LYST: variants seen among roughly 807,000 people sequenced by gnomAD.
LYST encodes the protein lysosomal trafficking regulator.
LYST carries 192 observed loss-of-function variants against 413.6 expected under a neutral mutation model. The observed-to-expected ratio is 0.46, with a 90% CI of 0.41 to 0.52. LYST has a LOEUF of 0.52. Among genes scored for constraint, LYST ranks in the 20% least tolerant of loss-of-function variants. The pLI, the probability that LYST is intolerant of heterozygous loss-of-function variation, is 0.00. For synonymous variants in LYST, 1,525 were observed against 1,567.3 expected (o/e 0.97, Z 0.64); for missense variants, 3,815 against 4,499.9 (o/e 0.85, Z 4.35).
At chr1:235,781,875 C>A in intron 15 of LYST, 52 bp downstream of exon 15, 1 of 1,252,330 alleles carries the variant, frequency 8.0e-7, no homozygotes, top group Non-Finnish European at 1.2e-6. Flanking sequence ...GGAAAAAAAT[C>A]TCACTCTGTC....
chr1:235,691,665 G>A (rs1167760366), intron 47 of LYST, among the ~76,000 whole-genome samples: 2 of 151,080 alleles, frequency 1.3e-5, no homozygotes, highest in Non-Finnish European at 2.9e-5. Context: ...TGGTAGTTAG[G>A]AAGTCTGTAA....
intron 31 of LYST, chr1:235,737,028 CT>C (rs1664881900): frequency 6.6e-6 from 1 of 150,530 alleles, no homozygotes; most frequent in Admixed American, 6.6e-5. Context: ...TCCCAAAAAA[CT>C]ATAAAACAAA....
In LYST at chr1:235,788,799, T is replaced by A. The variant is rs1271864056; in HGVS notation, c.4590A>T (p.Arg1530Ser). Reference sequence around the variant, plus strand: ...TATGAATACATCCTTCTTCTATGAGTCTTTCACCAGGATTTATGTACTCTG... The same window carrying A: ...TATGAATACATCCTTCTTCTATGAGACTTTCACCAGGATTTATGTACTCTG... Reference protein sequence around the residue: ...EGAEYINPGERLIEEGCIHII... With the variant: ...EGAEYINPGESLIEEGCIHII... The change falls in exon 13 of 53, where the codon AGA becomes AGT. Residue 1530 changes from arginine (R) to serine (S), a missense_variant. Coordinates refer to ENST00000389793, the MANE Select transcript of LYST (RefSeq NM_000081.4). 11 of 1,613,406 alleles carry A rather than the reference T, an allele frequency of 6.8e-6. No homozygotes were observed. The highest frequency in any genetic ancestry group is 9.3e-6 in the Non-Finnish European group (11 of 1,179,492).
At chr1:235,795,627 C>T (rs1214452461) in intron 10 of LYST, among the ~76,000 whole-genome samples, 1 of 152,096 alleles carries the variant, frequency 6.6e-6, no homozygotes, top group Non-Finnish European at 1.5e-5. Flanking sequence ...TTGGGAAGCC[C>T]CTAATCATCC....
intron 10 of LYST, among the ~76,000 whole-genome samples, chr1:235,795,374 T>C (rs1272063593): frequency 6.6e-6 from 1 of 152,180 alleles, no homozygotes; most frequent in Admixed American, 6.5e-5. Flanking sequence ...ACAAACTGCC[T>C]AACCAAAGGG....
chr1:235,860,115 AT>A (rs1457232674), intron 1 of LYST, among the ~76,000 whole-genome samples: 1 of 152,120 alleles, frequency 6.6e-6, no homozygotes, highest in Non-Finnish European at 1.5e-5. Flanking sequence ...CTCTCCCCCC[AT>A]TTTTAAATGT....
At chr1:235,744,903 A>G (rs199949103) in intron 29 of LYST, among the ~76,000 whole-genome samples, 5 of 53,450 alleles carry the variant, frequency 9.4e-5, no homozygotes, top group African/African-American at 5.7e-4. Context: ...AAAAAAAAAA[A>G]GAAAAAAAAA....
In LYST at chr1:235,830,294, G is replaced by C. The variant is rs1229357698; in HGVS notation, c.124C>G (p.Leu42Val). 6.2e-7 allele frequency: 1 copy of C among 1,613,948 alleles called. No individual in the cohort carries two copies. Among genetic ancestry groups the C allele is most frequent in the Admixed American group, 1.7e-5 (1 of 59,988 alleles). Residue 42 changes from leucine to valine, a missense_variant, in exon 3 of 53, where the codon CTT (leucine) becomes GTT (valine). This residue lies in a region of LYST where 1,648 missense variants were observed against 1,810.3 expected (regional missense o/e 0.91). Transcript: ENST00000389793. Reference protein sequence around the residue: ...EEEEETHMATLGQYLVHGRGF... With the variant: ...EEEEETHMATVGQYLVHGRGF... ...CGACCATGGACAAGGTACTGTCCAA[G>C]GGTTGCCATGTGCGTCTCCTCCTCT...
intron 50 of LYST, among the ~76,000 whole-genome samples, chr1:235,665,940 G>C (rs1658414963): frequency 6.6e-6 from 1 of 152,014 alleles, no homozygotes; most frequent in South Asian, 2.1e-4. Flanking sequence ...CGGTTAGGAG[G>C]CACGATAAAG....
At chr1:235,856,433 A>C (rs1679200408) in intron 1 of LYST, among the ~76,000 whole-genome samples, 1 of 152,188 alleles carries the variant, frequency 6.6e-6, no homozygotes, top group Non-Finnish European at 1.5e-5. Context: ...GATGCCCATT[A>C]TTCTTACAGA....
chr1:235,800,265 C>A, intron 10 of LYST, 55 bp downstream of exon 10: 1 of 1,187,604 alleles, frequency 8.4e-7, no homozygotes, highest in South Asian at 1.2e-5. Context: ...CCATTATTAT[C>A]AACTTTTCAC....
At chr1:235,773,459 T>A (rs1219037895) in intron 19 of LYST, among the ~76,000 whole-genome samples, 2 of 152,108 alleles carry the variant, frequency 1.3e-5, no homozygotes, top group Admixed American at 1.3e-4. Context: ...TAGAACGGAA[T>A]ATTATTCATT....
chr1:235,838,272 G>A (rs1412643799), intron 1 of LYST, among the ~76,000 whole-genome samples: 3 of 152,252 alleles, frequency 2.0e-5, no homozygotes, highest in Non-Finnish European at 4.4e-5. Flanking sequence ...CTGCCAATGA[G>A]TAACTAAATC....
chr1:235,730,175 T>C (rs1278208373), intron 36 of LYST, among the ~76,000 whole-genome samples: 1 of 152,072 alleles, frequency 6.6e-6, no homozygotes, highest in East Asian at 1.9e-4. Context: ...TAGCCAATTA[T>C]CTTCTTTGTG....
In LYST at chr1:235,773,976, A is replaced by G. The variant is rs1329978266; in HGVS notation, c.5650T>C (p.Cys1884Arg). Residue 1884 changes from cysteine (C) to arginine (R), a missense_variant, in exon 19 of 53, where the codon TGC (cysteine) becomes CGC (arginine). Transcript: ENST00000389793. ...ATATAAATAATATCTTCACCACAGCATCCTTCAAGAAGGGTCTATAGAAAA... is the reference window on the plus strand; with the variant it reads ...ATATAAATAATATCTTCACCACAGCGTCCTTCAAGAAGGGTCTATAGAAAA... ...FYILKTLLEG[C>R]CGEDIIYMNE... is the part of the protein sequence containing the mutation. The G allele has an allele frequency of 6.2e-7, 1 of 1,605,380 alleles. No individual in the cohort carries two copies. Among genetic ancestry groups the G allele is most frequent in the Non-Finnish European group, 8.5e-7 (1 of 1,172,336 alleles).
rs149137664 is a variant in LYST at position 235,805,539 on chromosome 1, A to ATGTGTG, written c.3393+198_3393+203dup. On this transcript the variant is annotated intron_variant, in intron 6 of 52. Transcript: ENST00000389793. ...TTATTATTCATCTGACACTTATAAAATGTGTGTGTGTGTATGTGTATATAT... is the reference window on the plus strand; with the variant it reads ...TTATTATTCATCTGACACTTATAAAATGTGTGTGTGTGTGTGTGTATGTGTATATAT... 4.9e-4 allele frequency among the ~76,000 whole-genome samples: 74 copies of ATGTGTG among 151,264 alleles called. 1 individual carries two copies. The East Asian group carries it at 0.013, about 26-fold the overall frequency.
chr1:235,718,992 G>A (rs1663092982), intron 40 of LYST, among the ~76,000 whole-genome samples: 1 of 152,070 alleles, frequency 6.6e-6, no homozygotes, highest in African/African-American at 2.4e-5. Flanking sequence ...GCAGCGAGAG[G>A]CACTTCAAGT....
At chr1:235,841,353 G>C (rs527351077) in intron 1 of LYST, among the ~76,000 whole-genome samples, 2 of 152,224 alleles carry the variant, frequency 1.3e-5, no homozygotes, top group East Asian at 3.9e-4. Context: ...TAAAGAATTG[G>C]AAGAACCGTA....
chr1:235,826,269 T>C lies in LYST; in HGVS notation c.192+3957A>G, dbSNP rs1675325399. Among the ~76,000 whole-genome samples, 4 of 152,188 alleles carry C rather than the reference T, an allele frequency of 2.6e-5. No individual in the cohort carries two copies. The South Asian group carries it at 6.2e-4, about 24-fold the overall frequency. On this transcript the variant is annotated intron_variant, in intron 3 of 52. Transcript: ENST00000389793. Reference sequence around the variant, plus strand: ...ACAAACATTACCCTTTGCCCACAAATTGTATGCCTACATATTTACCCAGGA... The same window carrying C: ...ACAAACATTACCCTTTGCCCACAAACTGTATGCCTACATATTTACCCAGGA...
Sources: allele counts gnomAD v4.1 joint callset (sites outside exome capture counted in the v4.1 genomes callset), GRCh38; gene constraint gnomAD v4.1.1; regional missense constraint gnomAD v4.1.1; transcripts MANE v1.5; gene names NCBI Gene and HGNC (gene_info 2026-07-23, HGNC 2026-07-21).